The following BDH1 variants were observed in gnomAD, a reference collection of about 807,000 sequenced individuals.
BDH1 encodes D-beta-hydroxybutyrate dehydrogenase, mitochondrial.
BDH1 carries 30 observed loss-of-function variants against 33.1 expected under a neutral mutation model. The ratio of observed to expected loss-of-function variants is 0.91; its 90% CI spans 0.68 to 1.23. The LOEUF is 1.23. BDH1 is among the 50% of genes most tolerant of loss of function. The pLI, the probability that BDH1 is intolerant of heterozygous loss-of-function variation, is 0.00. For synonymous variants in BDH1, 190 were observed against 183.6 expected (o/e 1.03, Z -0.28); for missense variants, 443 against 464.4 (o/e 0.95, Z 0.42).
intron 1 of BDH1, among the ~76,000 whole-genome samples, chr3:197,567,285 T>C (rs531042247): frequency 6.6e-6 from 1 of 152,032 alleles, no homozygotes; most frequent in Non-Finnish European, 1.5e-5. Flanking sequence ...AATCTTGGGG[T>C]CCCAAAATCA....
chr3:197,533,084 C>G (rs545793053), intron 4 of BDH1, among the ~76,000 whole-genome samples: 1 of 152,294 alleles, frequency 6.6e-6, no homozygotes, highest in South Asian at 2.1e-4. Context: ...TCCATGTTGG[C>G]CAGGCTGGTC....
At chr3:197,558,195 G>A (rs1018760609), upstream of BDH1, among the ~76,000 whole-genome samples, 4 of 152,344 alleles carry the variant, frequency 2.6e-5, no homozygotes, top group South Asian at 4.1e-4. Flanking sequence ...ATGAACAGGT[G>A]TAACCTGAGA....
At chr3:197,541,619 C>T (rs1193230782) in intron 3 of BDH1, among the ~76,000 whole-genome samples, 2 of 151,918 alleles carry the variant, frequency 1.3e-5, no homozygotes, top group South Asian at 2.1e-4. Context: ...TCTACTTTTG[C>T]GTATGTTTGA....
rs536937161 is a variant in BDH1 at position 197,513,453 on chromosome 3, G to A, written c.562+811C>T. On this transcript the variant is annotated intron_variant, in intron 7 of 7. Coordinates refer to ENST00000392379, the MANE Select transcript of BDH1 (RefSeq NM_203314.3). ...CCTCAGCCCATCCAGGTGTGCCCCC[G>A]GGAGGGCACTCAGCCCATCCAGGTG... 4.8e-5 allele frequency among the ~76,000 whole-genome samples: 7 copies of A among 145,962 alleles called. No homozygotes were observed. The East Asian group carries it at 1.0e-3, about 22-fold the overall frequency.
intron 1 of BDH1, among the ~76,000 whole-genome samples, chr3:197,571,127 C>A (rs1014728297): frequency 5.9e-5 from 9 of 152,228 alleles, no homozygotes; most frequent in African/African-American, 2.2e-4. Context: ...TTCATGGAAC[C>A]TTTGGCCCCT....
At position 197,522,752 on chromosome 3, in the gene BDH1, C is replaced by T. The variant is rs1475805836; in HGVS notation, c.297G>A (p.Leu99=). 1 of 1,614,122 alleles carries T rather than the reference C, an allele frequency of 6.2e-7. No homozygotes were observed. The highest frequency in any genetic ancestry group is 1.7e-5 in the Admixed American group (1 of 60,014). The change falls in exon 6 of 8, where the codon CTG becomes CTA. Residue 99 remains leucine (L), a synonymous_variant. Transcript: ENST00000392379. The surrounding 1 kb of genome is among the most constrained non-coding windows in gnomAD (Gnocchi z 4.8). The stretch of plus-strand genomic sequence containing the variant: ...TCAATCGGTCACTGTTTAGGCTGTC[C>T]AGCTCCTTGACCCCATCATGGCCTT... The part of the protein sequence containing the change: ...KDKGHDGVKE[L]DSLNSDRLRT...
chr3:197,513,460 C>A (rs1320089521), intron 7 of BDH1, among the ~76,000 whole-genome samples: 1 of 140,334 alleles, frequency 7.1e-6, no homozygotes, highest in Non-Finnish European at 1.6e-5. Context: ...CCCGGGAGGG[C>A]ACTCAGCCCA....
At chr3:197,534,008 G>A (rs13077136) in intron 3 of BDH1, 5 of 159,608 alleles carry the variant, frequency 3.1e-5, no homozygotes, top group African/African-American at 1.2e-4. Context: ...AGCTTCCTGA[G>A]AGTTACTTCA....
chr3:197,548,116 C>T (rs77726882), intron 2 of BDH1, among the ~76,000 whole-genome samples: 21,132 of 152,190 alleles, frequency 0.14, 2,687 homozygotes, highest in African/African-American at 0.34. Flanking sequence ...GGGAGCTGAG[C>T]GGGCTCCCGC....
intron 5 of BDH1, chr3:197,529,114 G>T (rs1295734762): frequency 6.6e-6 from 1 of 152,198 alleles, no homozygotes. Flanking sequence ...CCCCAGACGG[G>T]TTCTCTTGAG....
In BDH1 at chr3:197,514,224, G is replaced by A. The variant is rs1350226386; in HGVS notation, c.562+40C>T. 2 of 1,584,312 alleles carry A rather than the reference G, an allele frequency of 1.3e-6. No homozygotes were observed. Among genetic ancestry groups the A allele is most frequent in the Non-Finnish European group, 1.7e-6 (2 of 1,162,352 alleles). On this transcript the variant is annotated intron_variant, in intron 7 of 7. Transcript: ENST00000392379. This position sits in a 1 kb window ranked among gnomAD's most constrained non-coding sequence, Gnocchi z 4.2. ...TTCTGAGCAAAGATGAACACGTGGG[G>A]CAGGTTCAGGGGCAGGAGGGAGCTC...
At position 197,554,014 on chromosome 3, in the gene BDH1, C is replaced by T. The variant is rs1580000682; in HGVS notation, c.-44+548G>A. ...GCTGAGCCCCCGAGTCCTCACCTGG[C>T]TCCTCCAAACCGTATCTCCAACTAT... On this transcript the variant is annotated intron_variant, in intron 2 of 7. Transcript: ENST00000392379. The surrounding 1 kb of genome is among the most constrained non-coding windows in gnomAD (Gnocchi z 4.4). Among the ~76,000 whole-genome samples, 1 of 152,192 alleles carries T rather than the reference C, an allele frequency of 6.6e-6. No individual in the cohort carries two copies. The highest frequency in any genetic ancestry group is 6.5e-5 in the Admixed American group (1 of 15,280).
rs1463627599 is a variant in BDH1 at position 197,514,996 on chromosome 3, C to G, written c.410-580G>C. On this transcript the variant is annotated intron_variant, in intron 6 of 7. Coordinates refer to ENST00000392379, the MANE Select transcript of BDH1 (RefSeq NM_203314.3). The surrounding 1 kb of genome is among the most constrained non-coding windows in gnomAD (Gnocchi z 4.2). Reference sequence around the variant, plus strand: ...GGCCCTGCCTCTTTGTTGTGGAAACCCTCAGTGTTTGGTCTCCCGGGCCGA... The same window carrying G: ...GGCCCTGCCTCTTTGTTGTGGAAACGCTCAGTGTTTGGTCTCCCGGGCCGA... Among the ~76,000 whole-genome samples, 2 of 152,148 alleles carry G rather than the reference C, an allele frequency of 1.3e-5. No homozygotes were observed. Among genetic ancestry groups the G allele is most frequent in the African/African-American group, 4.8e-5 (2 of 41,424 alleles).
At chr3:197,519,507 A>T (rs918267936) in intron 6 of BDH1, among the ~76,000 whole-genome samples, 6 of 151,938 alleles carry the variant, frequency 3.9e-5, no homozygotes, top group Non-Finnish European at 7.4e-5. Context: ...CTAAAAAAAA[A>T]AAAAAAATTA....
rs186146869 is a variant in BDH1, at chr3:197,571,544, C to T, written c.-44+1637G>A. Among the ~76,000 whole-genome samples the T allele has an allele frequency of 2.0e-5, 3 of 152,270 alleles. No homozygotes were observed. The East Asian group carries it at 5.8e-4, about 29-fold the overall frequency. On this transcript the variant is annotated intron_variant, in intron 1 of 6. Transcript: ENST00000358186. ...AGTTTTCACATGCTAGTGAATAAGT[C>T]TCATGAGATCTAATGGTTTTACAAG...
upstream of BDH1, among the ~76,000 whole-genome samples, chr3:197,558,704 T>C (rs1331420180): frequency 1.3e-5 from 2 of 152,218 alleles, no homozygotes; most frequent in Non-Finnish European, 2.9e-5. Flanking sequence ...GCATGGGAGC[T>C]ACTGACCTCA....
intron 5 of BDH1, among the ~76,000 whole-genome samples, chr3:197,531,756 G>A (rs1714683570): frequency 6.6e-6 from 1 of 152,116 alleles, no homozygotes; most frequent in Non-Finnish European, 1.5e-5. Flanking sequence ...AGTGGATTGT[G>A]GTGGTGGGCG....
At chr3:197,518,203 T>C (rs1429858209) in intron 6 of BDH1, among the ~76,000 whole-genome samples, 1 of 2,194 alleles carries the variant, frequency 4.6e-4, no homozygotes, top group Non-Finnish European at 7.3e-4. Flanking sequence ...CCCCTCAGGC[T>C]GACCCCCCCA....
Position 197,524,716 on chromosome 3 carries a change from G to T in BDH1, c.268-1935C>A, listed in dbSNP as rs148318513. ...TTGAGGCAATGAGTTGGGGTGGGGGGTTGTTTGGAGGTAGGAGGGATGTTT... is the reference window on the plus strand; with the variant it reads ...TTGAGGCAATGAGTTGGGGTGGGGGTTTGTTTGGAGGTAGGAGGGATGTTT... On this transcript the variant is annotated intron_variant, in intron 5 of 7. Coordinates refer to ENST00000392379, the MANE Select transcript of BDH1 (RefSeq NM_203314.3). Among the ~76,000 whole-genome samples the T allele has an allele frequency of 1.6e-3, 239 of 149,028 alleles. 2 individuals are homozygous for T. In the East Asian group the frequency reaches 0.041, roughly 26 times the overall value.
Sources: allele counts gnomAD v4.1 joint callset (sites outside exome capture counted in the v4.1 genomes callset), GRCh38; gene constraint gnomAD v4.1.1; non-coding constraint Gnocchi (gnomAD v3.1); transcripts MANE v1.5; gene names NCBI Gene and HGNC (gene_info 2026-07-23, HGNC 2026-07-21).